Variants in RGS7 observed in about 807,000 individuals in gnomAD.
RGS7 encodes the protein regulator of G-protein signaling 7.
A neutral mutation model predicts 81.1 loss-of-function variants in RGS7; 27 were observed. The observed-to-expected ratio is 0.33, with a 90% CI of 0.25 to 0.46. The LOEUF is 0.46. Ranked by LOEUF, RGS7 falls within the 20% of genes least tolerant of loss-of-function variation. The pLI, the probability that RGS7 is intolerant of heterozygous loss-of-function variation, is 1.00. For missense variants in RGS7, 396 were observed against 607.4 expected, an observed-to-expected ratio of 0.65 and a Z score of 3.66; for synonymous variants, 208 against 207.7, an observed-to-expected ratio of 1.00 and a Z score of -0.01.
chr1:240,906,234 C>T (rs1300067827), intron 6 of RGS7, among the ~76,000 whole-genome samples: 1 of 152,154 alleles, frequency 6.6e-6, no homozygotes, highest in Non-Finnish European at 1.5e-5. Flanking sequence ...CCTGTGTCTG[C>T]GTATCTGTGC....
chr1:241,311,138 A>G (rs570717588), intron 2 of RGS7, among the ~76,000 whole-genome samples: 9 of 152,330 alleles, frequency 5.9e-5, no homozygotes, highest in African/African-American at 2.2e-4. Flanking sequence ...AGCATAAGAC[A>G]ATTAAAAGTA....
chr1:241,085,758 A>G (rs1328677113), intron 3 of RGS7, among the ~76,000 whole-genome samples: 6 of 152,102 alleles, frequency 3.9e-5, no homozygotes, highest in Non-Finnish European at 7.4e-5. Flanking sequence ...TTATGCACCA[A>G]TCATGACCCA....
intron 3 of RGS7, among the ~76,000 whole-genome samples, chr1:241,081,024 C>T (rs896606144): frequency 2.0e-5 from 3 of 152,174 alleles, no homozygotes; most frequent in African/African-American, 4.8e-5. Context: ...CAAGACCTTA[C>T]GTGGTCTTAT....
At chr1:240,924,660 CA>C in intron 6 of RGS7, among the ~76,000 whole-genome samples, 1 of 152,104 alleles carries the variant, frequency 6.6e-6, no homozygotes, top group Admixed American at 6.5e-5. Context: ...TAATCCAATT[CA>C]AAAATTAATG....
intron 2 of RGS7, among the ~76,000 whole-genome samples, chr1:241,194,966 G>A (rs1264309386): frequency 1.3e-5 from 2 of 152,196 alleles, no homozygotes; most frequent in African/African-American, 4.8e-5. Context: ...GCAAGTGAGT[G>A]TAAACAGAAA....
At chr1:240,977,187 C>A (rs1228480920) in intron 4 of RGS7, among the ~76,000 whole-genome samples, 1 of 150,070 alleles carries the variant, frequency 6.7e-6, no homozygotes. Context: ...TACTAAATTT[C>A]AACAATGTAG....
At chr1:240,845,982 G>T (rs1480681798) in intron 9 of RGS7, among the ~76,000 whole-genome samples, 1 of 152,190 alleles carries the variant, frequency 6.6e-6, no homozygotes. Context: ...AAATCTGTGT[G>T]CTTTTGAAAC....
intron 6 of RGS7, among the ~76,000 whole-genome samples, chr1:240,884,729 T>G (rs527997189): frequency 1.6e-4 from 25 of 152,334 alleles, no homozygotes; most frequent in Admixed American, 9.1e-4. Context: ...CTAGATCCCT[T>G]CTTTACACCA....
At chr1:241,298,304 T>C (rs1354734954) in intron 2 of RGS7, among the ~76,000 whole-genome samples, 3 of 152,160 alleles carry the variant, frequency 2.0e-5, no homozygotes, top group Non-Finnish European at 4.4e-5. Context: ...CAGAAAGAAT[T>C]AATTAGAAGC....
At chr1:241,167,823 CTTCT>C (rs2070389647) in intron 2 of RGS7, among the ~76,000 whole-genome samples, 1 of 152,056 alleles carries the variant, frequency 6.6e-6, no homozygotes. Context: ...CGGCCTGATC[CTTCT>C]TTTATATTTC....
intron 2 of RGS7, among the ~76,000 whole-genome samples, chr1:241,117,502 G>A (rs1409783958): frequency 6.6e-6 from 1 of 152,166 alleles, no homozygotes; most frequent in African/African-American, 2.4e-5. Context: ...GACAGGAAAG[G>A]AGGTAAGAAA....
chr1:241,076,448 G>A (rs1436507122), intron 3 of RGS7, among the ~76,000 whole-genome samples: 1 of 152,040 alleles, frequency 6.6e-6, no homozygotes, highest in East Asian at 1.9e-4. Flanking sequence ...AATACTTGTG[G>A]GCTCCTCACT....
chr1:240,833,304 C>T (rs940713514), intron 9 of RGS7, among the ~76,000 whole-genome samples: 24 of 152,222 alleles, frequency 1.6e-4, no homozygotes, highest in African/African-American at 5.5e-4. Flanking sequence ...ATGGGATAGA[C>T]GAGATTTCAT....
intron 3 of RGS7, among the ~76,000 whole-genome samples, chr1:241,026,660 G>C (rs1216500564): frequency 1.3e-5 from 2 of 152,102 alleles, no homozygotes; most frequent in Non-Finnish European, 2.9e-5. Flanking sequence ...CTAACAGTGA[G>C]CCAGGCAGGA....
chr1:241,327,368 G>T (rs1397866937), intron 2 of RGS7, among the ~76,000 whole-genome samples: 1 of 151,966 alleles, frequency 6.6e-6, no homozygotes, highest in Non-Finnish European at 1.5e-5. Context: ...TTTTCATATT[G>T]CAATGATGAA....
intron 2 of RGS7, among the ~76,000 whole-genome samples, chr1:241,223,202 C>A (rs1239099287): frequency 6.6e-6 from 1 of 152,210 alleles, no homozygotes; most frequent in African/African-American, 2.4e-5. Context: ...TCTCATTCAA[C>A]GTCTGCTATG....
chr1:240,850,608 A>C (rs1467595014), intron 9 of RGS7, among the ~76,000 whole-genome samples: 1 of 152,208 alleles, frequency 6.6e-6, no homozygotes, highest in Non-Finnish European at 1.5e-5. Flanking sequence ...TTTAAGCAAA[A>C]AACTAGAAAA....
chr1:241,342,475 G>A (rs1211694275), intron 2 of RGS7, among the ~76,000 whole-genome samples: 4 of 152,214 alleles, frequency 2.6e-5, no homozygotes, highest in Non-Finnish European at 5.9e-5. Context: ...AATTGCTAAT[G>A]AAATTACAAA....
chr1:241,330,155 G>A (rs2081883062), intron 2 of RGS7, among the ~76,000 whole-genome samples: 1 of 152,100 alleles, frequency 6.6e-6, no homozygotes, highest in Admixed American at 6.5e-5. Flanking sequence ...TAGCCAGGAT[G>A]GTCTCGATCT....
Sources: gnomAD v4.1 joint callset for allele counts (sites outside exome capture counted in the v4.1 genomes callset) on GRCh38, gnomAD v4.1.1 for gene constraint, MANE v1.5 for transcripts, NCBI Gene and HGNC (gene_info 2026-07-23, HGNC 2026-07-21) for gene names.